Variants in MTNR1B observed in about 807,000 individuals in gnomAD.
MTNR1B encodes melatonin receptor type 1B.
A neutral mutation model predicts 7.0 loss-of-function variants in MTNR1B; 7 were observed. The ratio of observed to expected loss-of-function variants is 1.00; its 90% CI spans 0.57 to 1.88. MTNR1B has a LOEUF of 1.88. Ranked by LOEUF, MTNR1B falls within the 40% of genes most tolerant of loss-of-function variation. MTNR1B has a pLI of 0.00. For missense variants in MTNR1B, 478 were observed against 486.5 expected, an observed-to-expected ratio of 0.98 and a Z score of 0.16; for synonymous variants, 226 against 208.2, an observed-to-expected ratio of 1.09 and a Z score of -0.74.
In MTNR1B at chr11:92,969,843, G is replaced by A; in HGVS notation, c.118G>A (p.Ala40Thr). 1 of 1,607,860 alleles carries A rather than the reference G, an allele frequency of 6.2e-7. No individual in the cohort carries two copies. The highest frequency in any genetic ancestry group is 1.7e-4 in the Middle Eastern group (1 of 6,038). Residue 40 changes from alanine (A) to threonine (T), a missense_variant, in exon 1 of 2, where the codon GCT (alanine) becomes ACT (threonine). By Grantham distance (58) the Ala-to-Thr change is moderately conservative (BLOSUM62 0). Coordinates refer to ENST00000257068, the MANE Select transcript of MTNR1B (RefSeq NM_005959.5). ...CAGGACCCCTCGACCTCCCTGGGTG[G>A]CTCCAGCGCTGTCCGCGGTGCTCAT... ...PSRTPRPPWV[A>T]PALSAVLIVT...
chr11:92,973,845 A>T (rs900562573), intron 1 of MTNR1B, among the ~76,000 whole-genome samples: 2 of 152,224 alleles, frequency 1.3e-5, no homozygotes, highest in African/African-American at 2.4e-5. Flanking sequence ...CTCTGATTAA[A>T]TTGGAAATGG....
In MTNR1B at chr11:92,981,493, C is replaced by G. The variant is rs1296258097; in HGVS notation, c.270C>G (p.Ala90=). 1 of 1,614,140 alleles carries G rather than the reference C, an allele frequency of 6.2e-7. No individual in the cohort carries two copies. The change falls in exon 2 of 2, where the codon GCC becomes GCG. Residue 90 remains alanine (A), a synonymous_variant. Coordinates refer to ENST00000257068, the MANE Select transcript of MTNR1B (RefSeq NM_005959.5). ...TGGCATTGGCTGACCTGGTGGTGGC[C>G]TTCTACCCCTACCCGCTAATCCTCG... ...VSLALADLVV[A]FYPYPLILVA...
chr11:92,979,723 C>T (rs756054507), intron 1 of MTNR1B, among the ~76,000 whole-genome samples: 1 of 152,182 alleles, frequency 6.6e-6, no homozygotes, highest in Non-Finnish European at 1.5e-5. Flanking sequence ...ACTCCCAGGA[C>T]TCCAGTAGAC....
downstream of MTNR1B, among the ~76,000 whole-genome samples, chr11:92,983,823 A>G (rs1013847476): frequency 6.6e-6 from 1 of 152,176 alleles, no homozygotes; most frequent in Non-Finnish European, 1.5e-5. Flanking sequence ...GGTGCTTTCT[A>G]TGTACCAGGC....
At chr11:92,980,353 TACA>T (rs984374264) in intron 1 of MTNR1B, among the ~76,000 whole-genome samples, 1 of 152,230 alleles carries the variant, frequency 6.6e-6, no homozygotes, top group Admixed American at 6.5e-5. Context: ...ATTCAAAAAG[TACA>T]ACACTTGGTG....
intron 1 of MTNR1B, among the ~76,000 whole-genome samples, chr11:92,978,208 TTAGA>T (rs968064715): frequency 2.0e-5 from 3 of 152,190 alleles, no homozygotes; most frequent in African/African-American, 7.2e-5. Context: ...CTGACGAATA[TTAGA>T]TAGCTCAGCA....
At chr11:92,975,343 A>T (rs575517082) in intron 1 of MTNR1B, among the ~76,000 whole-genome samples, 1 of 152,304 alleles carries the variant, frequency 6.6e-6, no homozygotes, top group East Asian at 1.9e-4. Context: ...AGGTTTAGTG[A>T]GTGCACGAAT....
intron 1 of MTNR1B, among the ~76,000 whole-genome samples, chr11:92,978,153 G>T (rs911393805): frequency 1.3e-5 from 2 of 152,152 alleles, no homozygotes; most frequent in Admixed American, 6.5e-5. Flanking sequence ...CACAGAGGAG[G>T]GGGGCAAGGG....
downstream of MTNR1B, among the ~76,000 whole-genome samples, chr11:92,983,595 T>A (rs192274767): frequency 4.4e-4 from 66 of 150,914 alleles, no homozygotes; most frequent in African/African-American, 1.5e-3. Context: ...GACATGGAAG[T>A]GGGGAAAGGG....
chr11:92,980,429 T>C (rs1858082516), intron 1 of MTNR1B, among the ~76,000 whole-genome samples: 1 of 152,114 alleles, frequency 6.6e-6, no homozygotes, highest in Non-Finnish European at 1.5e-5. Context: ...TGCCCAAACG[T>C]TTAGGTTCTT....
intron 1 of MTNR1B, among the ~76,000 whole-genome samples, chr11:92,973,629 A>T (rs1050257078): frequency 6.6e-6 from 1 of 152,136 alleles, no homozygotes; most frequent in Admixed American, 6.5e-5. Context: ...AAGGATTATC[A>T]ATGTTGATTA....
At chr11:92,977,140 A>G (rs1409722222) in intron 1 of MTNR1B, among the ~76,000 whole-genome samples, 1 of 152,232 alleles carries the variant, frequency 6.6e-6, no homozygotes, top group Non-Finnish European at 1.5e-5. Flanking sequence ...TCTTCTTTTA[A>G]GTGGTTGAAA....
At chr11:92,983,493 A>C (rs1391163245), downstream of MTNR1B, among the ~76,000 whole-genome samples, 3 of 151,120 alleles carry the variant, frequency 2.0e-5, no homozygotes, top group Non-Finnish European at 4.4e-5. Flanking sequence ...AGACTGGGTG[A>C]CAAAGTGAGA....
chr11:92,979,216 TC>T (rs1858058984), intron 1 of MTNR1B, among the ~76,000 whole-genome samples: 1 of 152,138 alleles, frequency 6.6e-6, no homozygotes, highest in South Asian at 2.1e-4. Context: ...CCTCCAGATT[TC>T]AAAAGGACAC....
chr11:92,971,752 C>T (rs2098305009), intron 1 of MTNR1B, among the ~76,000 whole-genome samples: 1 of 152,120 alleles, frequency 6.6e-6, no homozygotes, highest in Admixed American at 6.5e-5. Context: ...AAGCACCCCT[C>T]CCCTCCTGCA....
In MTNR1B at chr11:92,974,199, G is replaced by A. The variant is rs1857976163; in HGVS notation, c.223+4251G>A. Among the ~76,000 whole-genome samples, 3 of 152,190 alleles carry A rather than the reference G, an allele frequency of 2.0e-5. No individual in the cohort carries two copies. In the South Asian group the frequency reaches 6.2e-4, roughly 32 times the overall value. Reference sequence around the variant, plus strand: ...TCTTGAATTCCCACATGTTGTGGGAGGGACCTGGTGGGAGGTAATTGAATC... The same window carrying A: ...TCTTGAATTCCCACATGTTGTGGGAAGGACCTGGTGGGAGGTAATTGAATC... On this transcript the variant is annotated intron_variant, in intron 1 of 1. Transcript: ENST00000257068.
At chr11:92,980,390 T>C (rs1858081676) in intron 1 of MTNR1B, among the ~76,000 whole-genome samples, 1 of 152,216 alleles carries the variant, frequency 6.6e-6, no homozygotes, top group Non-Finnish European at 1.5e-5. Flanking sequence ...GCATTAGTGA[T>C]GGAACTGCTC....
Position 92,981,693 on chromosome 11 carries a change from C to A in MTNR1B, c.470C>A (p.Thr157Asn), listed in dbSNP as rs986476523. 7 of 1,614,202 alleles carry A rather than the reference C, an allele frequency of 4.3e-6. No individual in the cohort carries two copies. Among genetic ancestry groups the A allele is most frequent in the Admixed American group, 3.3e-5 (2 of 60,028 alleles). ...AYHRIYRRWH[T>N]PLHICLIWLL... ...CACCGAATCTACCGGCGCTGGCACA[C>A]CCCTCTGCACATCTGCCTCATCTGG... Residue 157 changes from threonine to asparagine, a missense_variant, in exon 2 of 2, where the codon ACC becomes AAC. Transcript: ENST00000257068.
rs1050755629 is a variant in MTNR1B at position 92,970,174 on chromosome 11, C to T, written c.223+226C>T. 1.8e-3 allele frequency among the ~76,000 whole-genome samples: 277 copies of T among 152,296 alleles called. 6 individuals are homozygous for T. The highest frequency in any genetic ancestry group is 8.4e-4 in the Non-Finnish European group (57 of 68,032). ...GACGCGCTTGGCACAGAGGGAATTG[C>T]GGAAAGTTTTACTGGCGCGCTTTTT... On this transcript the variant is annotated intron_variant, in intron 1 of 1. Transcript: ENST00000257068.
Sources: gnomAD v4.1 joint callset for allele counts (sites outside exome capture counted in the v4.1 genomes callset) on GRCh38, gnomAD v4.1.1 for gene constraint, MANE v1.5 for transcripts, NCBI Gene and HGNC (gene_info 2026-07-23, HGNC 2026-07-21) for gene names.